SNX9: variants seen among roughly 807,000 people sequenced by gnomAD.
SNX9 encodes sorting nexin-9.
A neutral mutation model predicts 89.4 loss-of-function variants in SNX9; 44 were observed. That is an observed-to-expected ratio of 0.49 (90% CI 0.39 to 0.63). The LOEUF (loss-of-function observed/expected upper bound fraction) is 0.63. SNX9 is among the 30% of genes least tolerant of loss of function. The pLI is 0.00. For synonymous variants in SNX9, 236 were observed against 247.8 expected, an observed-to-expected ratio of 0.95 and a Z score of 0.45; for missense variants, 578 against 736.1, an observed-to-expected ratio of 0.79 and a Z score of 2.49.
chr6:157,941,413 G>T (rs148372554), intron 17 of SNX9, among the ~76,000 whole-genome samples: 1 of 152,186 alleles, frequency 6.6e-6, no homozygotes, highest in East Asian at 1.9e-4. Context: ...TTCACAGTGC[G>T]CCATGGAAAT....
At chr6:157,831,130 C>T (rs1257079799) in intron 1 of SNX9, among the ~76,000 whole-genome samples, 100 of 152,090 alleles carry the variant, frequency 6.6e-4, no homozygotes, top group Non-Finnish European at 1.0e-4. Flanking sequence ...AATAGTTTTC[C>T]GTCCTAATCT....
intron 1 of SNX9, among the ~76,000 whole-genome samples, chr6:157,826,458 CCACTG>C (rs1040899385): frequency 6.7e-6 from 1 of 150,322 alleles, no homozygotes; most frequent in Admixed American, 6.6e-5. Flanking sequence ...CGATTTTGCG[CCACTG>C]CACTCCAGCC....
In SNX9 at chr6:157,878,430, C is replaced by CTTT. The variant is rs374518124; in HGVS notation, c.300+3254_300+3255insTTT. Among the ~76,000 whole-genome samples the CTTT allele has an allele frequency of 8.2e-5, 12 of 146,914 alleles. 1 individual carries two copies. Among genetic ancestry groups the CTTT allele is most frequent in the African/African-American group, 2.0e-4 (8 of 39,404 alleles). On this transcript the variant is annotated intron_variant, in intron 4 of 17. Coordinates refer to ENST00000392185, the MANE Select transcript of SNX9 (RefSeq NM_016224.5). ...ATGATCTTGGAATATGGAAGCCCAC[C>CTTT]ATTTTTTTTTTTTTTTTGAGACGGA...
chr6:157,879,040 C>G (rs977992571), intron 4 of SNX9, among the ~76,000 whole-genome samples: 1 of 152,134 alleles, frequency 6.6e-6, no homozygotes, highest in Non-Finnish European at 1.5e-5. Flanking sequence ...CAGGTGTGGT[C>G]AGACAGGCAA....
intron 3 of SNX9, among the ~76,000 whole-genome samples, chr6:157,873,579 T>A (rs1782459744): frequency 7.0e-6 from 1 of 143,866 alleles, no homozygotes; most frequent in Non-Finnish European, 1.5e-5. Context: ...TTTATATTTT[T>A]ATAAGCAAAA....
intron 1 of SNX9, among the ~76,000 whole-genome samples, chr6:157,847,394 C>T (rs1583197368): frequency 6.6e-6 from 1 of 152,124 alleles, no homozygotes; most frequent in South Asian, 2.1e-4. Context: ...TGAGCCACTG[C>T]GCCCAGCCTT....
In SNX9 at chr6:157,921,603, A is replaced by ACCAGGATGTGTCGCCG. The variant is rs759812871; in HGVS notation, c.1022_1023insCCAGGATGTGTCGCCG (p.Pro342GlnfsTer12). On this transcript the variant is annotated frameshift_variant, in exon 10 of 18. Transcript: ENST00000392185. LOFTEE classifies it high-confidence loss of function. ...GCCTGGATGACCAGGATGTGTCGCC[A>ACCAGGATGTGTCGCCG]TCCAGTAATCTCAGAAAGTGAAGTT... is the stretch of plus-strand genomic sequence containing the variant. 6.2e-7 allele frequency: 1 copy of ACCAGGATGTGTCGCCG among 1,614,182 alleles called. No homozygotes were observed. The highest frequency in any genetic ancestry group is 8.5e-7 in the Non-Finnish European group (1 of 1,180,010).
chr6:157,935,823 A>G (rs892737726), intron 13 of SNX9, 141 bp from the exon 14 acceptor site: 18 of 624,342 alleles, frequency 2.9e-5, no homozygotes, highest in Non-Finnish European at 4.5e-5. Flanking sequence ...GGTGATGGGC[A>G]TTCATTCTAT....
intron 2 of SNX9, among the ~76,000 whole-genome samples, chr6:157,870,481 C>T (rs1179693284): frequency 6.6e-6 from 1 of 151,392 alleles, no homozygotes; most frequent in Non-Finnish European, 1.5e-5. Flanking sequence ...ATACACCCTG[C>T]AGATAGTCTC....
At chr6:157,901,822 A>C in intron 5 of SNX9, 76 bp from the exon 6 acceptor site, 1 of 1,533,844 alleles carries the variant, frequency 6.5e-7, no homozygotes, top group Admixed American at 2.1e-5. Flanking sequence ...AGTTACTGTC[A>C]GAAAATTAAG....
chr6:157,896,715 A>C, intron 4 of SNX9, 112 bp from the exon 5 acceptor site: 2 of 1,190,986 alleles, frequency 1.7e-6, no homozygotes, highest in Non-Finnish European at 2.4e-6. Context: ...ATACATTTCT[A>C]TTAATTGTTT....
At chr6:157,907,576 G>A (rs1025365322) in intron 7 of SNX9, among the ~76,000 whole-genome samples, 1 of 152,298 alleles carries the variant, frequency 6.6e-6, no homozygotes, top group South Asian at 2.1e-4. Context: ...GAGCCACTGC[G>A]CCCGGCCTGC....
intron 10 of SNX9, among the ~76,000 whole-genome samples, chr6:157,925,231 A>G (rs9355434): frequency 0.22 from 32,916 of 152,132 alleles, 3,625 homozygotes; most frequent in Non-Finnish European, 0.23. Flanking sequence ...TATCTGAATC[A>G]ACAACAGATG....
chr6:157,933,884 G>T (rs1264905092), intron 13 of SNX9, among the ~76,000 whole-genome samples: 1 of 152,088 alleles, frequency 6.6e-6, no homozygotes. Context: ...GTTCCATATT[G>T]CAAATAGCAC....
chr6:157,838,587 A>G (rs944330384), intron 1 of SNX9, among the ~76,000 whole-genome samples: 3 of 152,196 alleles, frequency 2.0e-5, no homozygotes, highest in African/African-American at 7.2e-5. Context: ...ATGTATATCA[A>G]TAAAGAGCCA....
chr6:157,933,446 A>G (rs1783857732), intron 13 of SNX9, among the ~76,000 whole-genome samples: 1 of 152,252 alleles, frequency 6.6e-6, no homozygotes, highest in South Asian at 2.1e-4. Context: ...GAATATTTTA[A>G]TAATAAACTA....
At chr6:157,890,994 A>G (rs1224762423) in intron 4 of SNX9, among the ~76,000 whole-genome samples, 1 of 143,982 alleles carries the variant, frequency 6.9e-6, no homozygotes, top group African/African-American at 2.6e-5. Flanking sequence ...GGGTACTCAT[A>G]GTGTCACATG....
At chr6:157,856,215 T>G (rs1458130804) in intron 1 of SNX9, among the ~76,000 whole-genome samples, 1 of 152,226 alleles carries the variant, frequency 6.6e-6, no homozygotes, top group Non-Finnish European at 1.5e-5. Flanking sequence ...AAGATTTTCT[T>G]TGGTGTTTTT....
At chr6:157,870,100 C>T (rs1026294304) in intron 2 of SNX9, among the ~76,000 whole-genome samples, 1 of 149,224 alleles carries the variant, frequency 6.7e-6, no homozygotes, top group African/African-American at 2.5e-5. Context: ...CTCATCCGCA[C>T]TCATGCTGTC....
Sources: allele counts gnomAD v4.1 joint callset (sites outside exome capture counted in the v4.1 genomes callset), GRCh38; gene constraint gnomAD v4.1.1; transcripts MANE v1.5; gene names NCBI Gene and HGNC (gene_info 2026-07-23, HGNC 2026-07-21).